Variants in AKAP6 observed in about 807,000 individuals in gnomAD.
AKAP6 encodes A-kinase anchor protein 6.
A neutral mutation model predicts 188.5 loss-of-function variants in AKAP6; 58 were observed. The ratio of observed to expected loss-of-function variants is 0.31; its 90% CI spans 0.25 to 0.38. The LOEUF is 0.38. Ranked by LOEUF, AKAP6 falls within the 10% of genes least tolerant of loss-of-function variation. The pLI is 1.00. For synonymous variants in AKAP6, 989 were observed against 998.6 expected (o/e 0.99, Z 0.18); for missense variants, 2,710 against 2,740.0 (o/e 0.99, Z 0.24).
chr14:32,371,415 A>G (rs192007072), intron 1 of AKAP6, among the ~76,000 whole-genome samples: 1 of 152,284 alleles, frequency 6.6e-6, no homozygotes. Flanking sequence ...CTCCATCTCT[A>G]CAAAACAAAA....
intron 4 of AKAP6, among the ~76,000 whole-genome samples, chr14:32,557,111 G>T (rs1477388856): frequency 6.6e-6 from 1 of 151,856 alleles, no homozygotes; most frequent in South Asian, 2.1e-4. Context: ...TTGAGACAGG[G>T]TCTCACTCTG....
intron 2 of AKAP6, among the ~76,000 whole-genome samples, chr14:32,500,979 A>G (rs1880581763): frequency 6.6e-6 from 1 of 152,126 alleles, no homozygotes; most frequent in South Asian, 2.1e-4. Flanking sequence ...AGTGCATTCT[A>G]GCCTGTGGCA....
chr14:32,568,956 A>G lies in AKAP6; in HGVS notation c.2347-8164A>G, dbSNP rs1452407928. On this transcript the variant is annotated intron_variant, in intron 4 of 13. Transcript: ENST00000280979. The surrounding 1 kb of genome is among the most constrained non-coding windows in gnomAD (Gnocchi z 6.2). ...TTAGAATGACTGATAATTTCTTTTT[A>G]TAAACCCATAGGGAGCAACTGAATT... is the stretch of plus-strand genomic sequence containing the variant. Among the ~76,000 whole-genome samples, 1 of 152,170 alleles carries G rather than the reference A, an allele frequency of 6.6e-6. No homozygotes were observed. Among genetic ancestry groups the G allele is most frequent in the Non-Finnish European group, 1.5e-5 (1 of 68,024 alleles).
In AKAP6 at chr14:32,822,203, G is replaced by A. The variant is rs201994969; in HGVS notation, c.4390G>A (p.Val1464Met). The part of the protein sequence containing the change: ...LGEELQGKHD[V>M]FTFYDYSYLQ... ...AGAAGAATTACAAGGAAAACATGAT[G>A]TGTTTACATTTTATGATTACTCATA... Residue 1464 changes from valine to methionine, a missense_variant, in exon 13 of 14, where the codon GTG becomes ATG. By Grantham distance (21) the Val-to-Met change is conservative. Around this residue, in one of 2 missense-constraint regions of AKAP6, gnomAD observed 2,473 missense variants for 2,426.1 expected, o/e 1.02. Transcript: ENST00000280979. The A allele has an allele frequency of 3.1e-6, 5 of 1,613,770 alleles. No individual in the cohort carries two copies. The East Asian group carries it at 8.9e-5, about 29-fold the overall frequency.
At position 32,532,356 on chromosome 14, in the gene AKAP6, G is replaced by A. The variant is rs192296399; in HGVS notation, c.325-3198G>A. Among the ~76,000 whole-genome samples, 32 of 152,294 alleles carry A rather than the reference G, an allele frequency of 2.1e-4. No individual in the cohort carries two copies. The East Asian group carries it at 4.8e-3, about 23-fold the overall frequency. On this transcript the variant is annotated intron_variant, in intron 2 of 13. Coordinates refer to ENST00000280979, the MANE Select transcript of AKAP6 (RefSeq NM_004274.5). The stretch of plus-strand genomic sequence containing the variant: ...GGGGTCCATCTGCTTCTGTGGGAAT[G>A]GGGCCAATTTACCTTGCCCAGTTAT...
At chr14:32,725,859 A>G (rs1003448193) in intron 9 of AKAP6, among the ~76,000 whole-genome samples, 2 of 152,218 alleles carry the variant, frequency 1.3e-5, no homozygotes, top group Middle Eastern at 3.2e-3. Context: ...TTATGAAACT[A>G]AATGATGCAA....
intron 1 of AKAP6, among the ~76,000 whole-genome samples, chr14:32,367,178 T>C (rs1887863097): frequency 6.6e-6 from 1 of 152,194 alleles, no homozygotes. Flanking sequence ...CAGCTGGGAA[T>C]TTCTTTCTTG....
At chr14:32,638,175 A>C (rs1887594992) in intron 7 of AKAP6, among the ~76,000 whole-genome samples, 1 of 151,856 alleles carries the variant, frequency 6.6e-6, no homozygotes, top group Non-Finnish European at 1.5e-5. Context: ...GGGGATGTCA[A>C]GGGGGAATAT....
At chr14:32,406,328 G>A (rs1209330244) in intron 1 of AKAP6, among the ~76,000 whole-genome samples, 2 of 152,172 alleles carry the variant, frequency 1.3e-5, no homozygotes, top group Non-Finnish European at 2.9e-5. Flanking sequence ...TCCTGCCTCA[G>A]CCTCCCGAGT....
chr14:32,675,288 C>G (rs909270305), intron 7 of AKAP6, among the ~76,000 whole-genome samples: 3 of 152,132 alleles, frequency 2.0e-5, no homozygotes, highest in Admixed American at 6.6e-5. Context: ...ATTCCATCAC[C>G]GAGTCTTCTT....
chr14:32,599,518 T>G lies in AKAP6; in HGVS notation c.2566+12T>G, dbSNP rs1486795660. ...ATCTCACAAAGCAGGTAAATCCTCC[T>G]GAAATATTGCAAGTCTTTACGTCTC... is the stretch of plus-strand genomic sequence containing the variant. On this transcript the variant is annotated intron_variant, in intron 6 of 13. Transcript: ENST00000280979. The G allele has an allele frequency of 6.2e-7, 1 of 1,608,188 alleles. No homozygotes were observed. Among genetic ancestry groups the G allele is most frequent in the South Asian group, 1.1e-5 (1 of 90,612 alleles).
chr14:32,750,481 G>A (rs902042097), intron 11 of AKAP6, among the ~76,000 whole-genome samples: 2 of 151,814 alleles, frequency 1.3e-5, no homozygotes, highest in Non-Finnish European at 2.9e-5. Context: ...TAGCACTTTC[G>A]GAGACCAAAG....
At chr14:32,800,105 A>AATAT in intron 12 of AKAP6, among the ~76,000 whole-genome samples, 1 of 145,706 alleles carries the variant, frequency 6.9e-6, no homozygotes, top group Admixed American at 6.9e-5. Flanking sequence ...TATATATAGA[A>AATAT]ATATATATAC....
At chr14:32,420,534 A>G (rs1889807244) in intron 1 of AKAP6, among the ~76,000 whole-genome samples, 1 of 152,152 alleles carries the variant, frequency 6.6e-6, no homozygotes, top group Admixed American at 6.5e-5. Flanking sequence ...TTTTTCCAAC[A>G]ACTTTTGGTT....
intron 7 of AKAP6, among the ~76,000 whole-genome samples, chr14:32,618,333 CCTT>C (rs1215134172): frequency 2.6e-5 from 4 of 151,952 alleles, no homozygotes; most frequent in African/African-American, 9.7e-5. Context: ...GTTCTTTTAT[CCTT>C]CTCCTTCGTC....
intron 4 of AKAP6, among the ~76,000 whole-genome samples, chr14:32,559,632 T>C (rs1365971351): frequency 6.6e-6 from 1 of 152,076 alleles, no homozygotes; most frequent in Non-Finnish European, 1.5e-5. Context: ...GACTGCAAAT[T>C]ACAATCACTG....
intron 12 of AKAP6, among the ~76,000 whole-genome samples, chr14:32,820,951 A>T (rs1468705060): frequency 6.6e-6 from 1 of 151,598 alleles, no homozygotes; most frequent in Admixed American, 6.6e-5. Context: ...AATAGAGGCA[A>T]GAAGGAGTTT....
intron 2 of AKAP6, among the ~76,000 whole-genome samples, chr14:32,482,739 A>G (rs909975719): frequency 1.3e-5 from 2 of 152,198 alleles, no homozygotes; most frequent in African/African-American, 4.8e-5. Context: ...ACAGACTTTT[A>G]ATATAACAAT....
intron 1 of AKAP6, among the ~76,000 whole-genome samples, chr14:32,404,697 T>G (rs761744357): frequency 3.2e-5 from 4 of 125,848 alleles, no homozygotes; most frequent in Non-Finnish European, 5.2e-5. Context: ...AGGAGATATA[T>G]ATATATATAT....
Sources: allele counts gnomAD v4.1 joint callset (sites outside exome capture counted in the v4.1 genomes callset), GRCh38; gene constraint gnomAD v4.1.1; regional missense constraint gnomAD v4.1.1; non-coding constraint Gnocchi (gnomAD v3.1); transcripts MANE v1.5; gene names NCBI Gene and HGNC (gene_info 2026-07-23, HGNC 2026-07-21).